Variants in CENPK observed in about 807,000 individuals in gnomAD.
CENPK encodes centromere protein K.
CENPK carries 46 observed loss-of-function variants against 40.9 expected under a neutral mutation model. That is an observed-to-expected ratio of 1.13 (90% CI 0.89 to 1.44). The LOEUF (loss-of-function observed/expected upper bound fraction) is 1.44, where lower values mean the gene tolerates loss of function less well. Ranked by LOEUF, CENPK falls within the 40% of genes most tolerant of loss-of-function variation. The pLI is 0.00. For missense variants in CENPK, 288 were observed against 303.5 expected (o/e 0.95, Z 0.38); for synonymous variants, 107 against 104.4 (o/e 1.02, Z -0.15).
the CENPK span, among the ~76,000 whole-genome samples, chr5:65,497,739 T>A: frequency 6.6e-6 from 1 of 152,198 alleles, no homozygotes; most frequent in Non-Finnish European, 1.5e-5. Flanking sequence ...GGACAGTGGC[T>A]CACGCCTGTA....
Position 65,521,535 on chromosome 5 carries a change from G to T in CENPK, c.598-7C>A, listed in dbSNP as rs1248215843. On this transcript the variant is annotated splice_region_variant and splice_polypyrimidine_tract_variant and intron_variant, in intron 9 of 10. Coordinates refer to ENST00000396679, the MANE Select transcript of CENPK (RefSeq NM_022145.5). Reference sequence around the variant, plus strand: ...ATGATTCTTGAATGTTTTTCTTCAAGAGAAATGTGAATAACAAACAATTAC... The same window carrying T: ...ATGATTCTTGAATGTTTTTCTTCAATAGAAATGTGAATAACAAACAATTAC... 6.3e-7 allele frequency: 1 copy of T among 1,582,082 alleles called. No individual in the cohort carries two copies. Among genetic ancestry groups the T allele is most frequent in the Non-Finnish European group, 8.7e-7 (1 of 1,152,934 alleles).
At position 65,545,089 on chromosome 5, in the gene CENPK, A is replaced by G. The variant is rs563094115; in HGVS notation, c.242-2241T>C. ...CTGAGGGACTTGGGTAACCGTAACA[A>G]AAGGTCTAACATTCATGTTATCGGA... On this transcript the variant is annotated intron_variant, in intron 5 of 10. Transcript: ENST00000396679. 6.6e-5 allele frequency among the ~76,000 whole-genome samples: 10 copies of G among 152,294 alleles called. No homozygotes were observed. The East Asian group carries it at 1.9e-3, about 29-fold the overall frequency.
chr5:65,503,841 A>G, the CENPK span, among the ~76,000 whole-genome samples: 1 of 151,814 alleles, frequency 6.6e-6, no homozygotes, highest in African/African-American at 2.4e-5. Flanking sequence ...ATTTTTTAGT[A>G]GAGATGGGGT....
At chr5:65,554,101 G>A (rs1310863370) in intron 3 of CENPK, among the ~76,000 whole-genome samples, 3 of 151,728 alleles carry the variant, frequency 2.0e-5, no homozygotes, top group Admixed American at 2.0e-4. Flanking sequence ...TACTTTTACA[G>A]GCTAACTCCT....
chr5:65,542,737 A>G, intron 6 of CENPK, 65 bp downstream of exon 6: 1 of 1,218,036 alleles, frequency 8.2e-7, no homozygotes, highest in Non-Finnish European at 1.2e-6. Flanking sequence ...TATGCCATGA[A>G]CTTATCTAAA....
chr5:65,554,736 T>C, intron 3 of CENPK, 61 bp downstream of exon 3: 5 of 898,572 alleles, frequency 5.6e-6, no homozygotes, highest in South Asian at 1.4e-5. Context: ...CCTGAGTCTA[T>C]TTATTATTGA....
the CENPK span, among the ~76,000 whole-genome samples, chr5:65,497,246 T>A: frequency 1.7e-4 from 26 of 151,646 alleles, no homozygotes; most frequent in African/African-American, 6.3e-4. Context: ...CACATGCTTG[T>A]AATCCCAGCT....
At chr5:65,515,976 A>G (rs1742826131), downstream of CENPK, among the ~76,000 whole-genome samples, 2 of 152,232 alleles carry the variant, frequency 1.3e-5, no homozygotes. Context: ...ATTTGTAGAC[A>G]GCTACCTTCT....
the CENPK span, among the ~76,000 whole-genome samples, chr5:65,499,663 T>A: frequency 2.0e-5 from 2 of 97,748 alleles, no homozygotes; most frequent in Admixed American, 1.8e-4. Context: ...TTTTTTTTTT[T>A]TTAATTTTTT....
intron 5 of CENPK, among the ~76,000 whole-genome samples, chr5:65,549,836 T>A: frequency 6.6e-6 from 1 of 152,212 alleles, no homozygotes; most frequent in Non-Finnish European, 1.5e-5. Context: ...ACTTTCTCTA[T>A]AACAGCAATA....
chr5:65,496,136 T>C, the CENPK span, among the ~76,000 whole-genome samples: 4 of 152,186 alleles, frequency 2.6e-5, no homozygotes, highest in African/African-American at 9.6e-5. Context: ...GGCACACCTG[T>C]AGTCCCAGCT....
intron 6 of CENPK, among the ~76,000 whole-genome samples, chr5:65,538,845 C>T (rs1472610236): frequency 6.6e-6 from 1 of 152,128 alleles, no homozygotes; most frequent in Non-Finnish European, 1.5e-5. Flanking sequence ...AAGTTAGCAA[C>T]AGTAAGCTAA....
chr5:65,548,365 C>T (rs1749383010), intron 5 of CENPK, among the ~76,000 whole-genome samples: 1 of 152,190 alleles, frequency 6.6e-6, no homozygotes. Context: ...TCTGAGCCTT[C>T]GGTGAGTTGT....
chr5:65,535,397 T>A (rs1314291273), intron 6 of CENPK, among the ~76,000 whole-genome samples: 3 of 152,194 alleles, frequency 2.0e-5, no homozygotes, highest in African/African-American at 7.2e-5. Flanking sequence ...ATACTCTACT[T>A]GATGAGCATT....
In CENPK at chr5:65,528,029, CAGG is replaced by C. The variant is rs1475611759; in HGVS notation, c.597+420_597+422del. Among the ~76,000 whole-genome samples the C allele has an allele frequency of 2.6e-5, 4 of 152,232 alleles. No individual in the cohort carries two copies. In the East Asian group the frequency reaches 7.7e-4, roughly 29 times the overall value. ...CCGAGGTGGGCAGATTGCCTGAGCT[CAGG>C]AGTTCAAGACCAGCCTGGGCAACTT... On this transcript the variant is annotated intron_variant, in intron 9 of 10. Transcript: ENST00000396679.
chr5:65,528,639 CTAGT>C, intron 8 of CENPK, 61 bp from the exon 9 acceptor site: 1 of 1,408,890 alleles, frequency 7.1e-7, no homozygotes, highest in African/African-American at 1.5e-5. Context: ...ACACATGTAA[CTAGT>C]TATTCATGAA....
chr5:65,551,741 A>T, intron 4 of CENPK, 105 bp from the exon 5 acceptor site: 1 of 546,474 alleles, frequency 1.8e-6, no homozygotes, highest in East Asian at 3.3e-5. Flanking sequence ...GGGGGGTGGC[A>T]TCCCTAACTC....
chr5:65,514,412 G>A (rs552817309), downstream of CENPK, among the ~76,000 whole-genome samples: 192 of 151,742 alleles, frequency 1.3e-3, no homozygotes, highest in Admixed American at 2.8e-3. Flanking sequence ...TTACAGGCGC[G>A]TGCCACCACG....
intron 9 of CENPK, 92 bp downstream of exon 9, chr5:65,528,360 A>G (rs1745114978): frequency 1.7e-6 from 2 of 1,189,148 alleles, no homozygotes; most frequent in African/African-American, 3.2e-5. Context: ...ACATGTGCAT[A>G]CCTTTGAACT....
Sources: allele counts gnomAD v4.1 joint callset (sites outside exome capture counted in the v4.1 genomes callset), GRCh38; gene constraint gnomAD v4.1.1; transcripts MANE v1.5; gene names NCBI Gene and HGNC (gene_info 2026-07-23, HGNC 2026-07-21).